The following COL19A1 variants were observed in gnomAD, a reference collection of about 807,000 sequenced individuals.
COL19A1 encodes the protein collagen type XIX alpha 1 chain.
Under a neutral mutation model 190.2 loss-of-function variants are expected in COL19A1, and 159 were observed. The ratio of observed to expected loss-of-function variants is 0.84; its 90% confidence interval spans 0.73 to 0.95. The LOEUF (loss-of-function observed/expected upper bound fraction) is 0.95. Ranked by LOEUF, COL19A1 falls within the 40% of genes least tolerant of loss-of-function variation. The pLI is 0.00. For missense variants in COL19A1, 1,418 were observed against 1,431.9 expected, an observed-to-expected ratio of 0.99 and a Z score of 0.16; for synonymous variants, 509 against 458.9, an observed-to-expected ratio of 1.11 and a Z score of -1.39.
At chr6:70,084,916 T>G (rs915508039) in intron 15 of COL19A1, among the ~76,000 whole-genome samples, 6 of 152,146 alleles carry the variant, frequency 3.9e-5, no homozygotes, top group Admixed American at 6.5e-5. Context: ...AACTCCTGGG[T>G]GAGCCCTGCC....
intron 11 of COL19A1, among the ~76,000 whole-genome samples, chr6:69,969,002 A>T (rs1353559188): frequency 6.6e-6 from 1 of 152,178 alleles, no homozygotes; most frequent in Non-Finnish European, 1.5e-5. Context: ...CAGCTCTGTA[A>T]TGGCAGCTGT....
At chr6:70,180,400 C>T (rs1365377782) in intron 43 of COL19A1, 44 bp downstream of exon 43, 1 of 1,613,944 alleles carries the variant, frequency 6.2e-7, no homozygotes, top group Non-Finnish European at 8.5e-7. Context: ...TTGTGTTGTA[C>T]TTGCATGCAG....
chr6:70,000,941 C>A (rs991004790), intron 11 of COL19A1, among the ~76,000 whole-genome samples: 11 of 152,108 alleles, frequency 7.2e-5, no homozygotes, highest in African/African-American at 2.7e-4. Flanking sequence ...GAAGTCTTTG[C>A]CCATGCCTAT....
At chr6:70,174,175 G>A (rs1765665331) in intron 41 of COL19A1, among the ~76,000 whole-genome samples, 1 of 152,158 alleles carries the variant, frequency 6.6e-6, no homozygotes, top group Admixed American at 6.5e-5. Context: ...TTGGGGAGAA[G>A]GTCCATAGTT....
intron 36 of COL19A1, 109 bp from the exon 37 acceptor site, chr6:70,165,832 C>A: frequency 1.0e-6 from 1 of 992,118 alleles, no homozygotes; most frequent in Non-Finnish European, 1.6e-6. Context: ...AACAACATGG[C>A]AAGTCATATC....
chr6:69,880,817 A>C (rs1768496526), intron 2 of COL19A1, among the ~76,000 whole-genome samples: 1 of 152,218 alleles, frequency 6.6e-6, no homozygotes, highest in Non-Finnish European at 1.5e-5. Flanking sequence ...GTAAAAAAGG[A>C]AAAGAGATGT....
At position 70,190,369 on chromosome 6, in the gene COL19A1, A is replaced by C. The variant is rs761742598; in HGVS notation, c.3082A>C (p.Arg1028=). Residue 1028 remains arginine, a synonymous_variant, in exon 48 of 51, where the codon AGG becomes CGG. Coordinates refer to ENST00000620364, the MANE Select transcript of COL19A1 (RefSeq NM_001858.6). The stretch of plus-strand genomic sequence containing the variant: ...GAAGTATATTAATCAAGAGGTCCTA[A>C]GGATTTTTGAAGGTTAGATTTTCTT... ...IKKYINQEVL[R]IFEERMAVFL... is the part of the protein sequence containing the mutation. 2.5e-6 allele frequency: 4 copies of C among 1,602,066 alleles called. No individual in the cohort carries two copies. In the South Asian group the frequency reaches 3.4e-5, roughly 13 times the overall value.
chr6:70,159,635 C>T (rs1787664401), intron 34 of COL19A1, among the ~76,000 whole-genome samples: 1 of 152,116 alleles, frequency 6.6e-6, no homozygotes, highest in Non-Finnish European at 1.5e-5. Flanking sequence ...ATTGAATGGA[C>T]AAACCTAGAA....
intron 11 of COL19A1, among the ~76,000 whole-genome samples, chr6:70,023,011 G>C (rs1237330957): frequency 1.3e-5 from 2 of 152,078 alleles, no homozygotes; most frequent in African/African-American, 2.4e-5. Flanking sequence ...CAAATGAAAT[G>C]AATGGATATG....
chr6:69,925,253 A>G (rs1438184611), intron 4 of COL19A1, among the ~76,000 whole-genome samples: 3 of 151,986 alleles, frequency 2.0e-5, no homozygotes, highest in Non-Finnish European at 2.9e-5. Context: ...ATCTTGAATT[A>G]ATTTTTGTAT....
intron 2 of COL19A1, 82 bp from the exon 3 acceptor site, chr6:69,898,866 T>C (rs1400503378): frequency 1.2e-6 from 1 of 821,116 alleles, no homozygotes; most frequent in African/African-American, 1.7e-5. Flanking sequence ...TATTTCCATT[T>C]TATCTTAAGT....
intron 9 of COL19A1, among the ~76,000 whole-genome samples, chr6:69,955,819 G>C (rs972636110): frequency 1.2e-4 from 18 of 151,946 alleles, no homozygotes; most frequent in Non-Finnish European, 2.6e-4. Flanking sequence ...CTTTTTTTCT[G>C]TGTAATTGCA....
At chr6:70,136,518 AAAC>A (rs1785884358) in intron 18 of COL19A1, among the ~76,000 whole-genome samples, 1 of 152,216 alleles carries the variant, frequency 6.6e-6, no homozygotes, top group African/African-American at 2.4e-5. Context: ...TGAGTGGAAA[AAAC>A]AAGTCATAGT....
At chr6:70,169,601 A>T (rs1765382006) in intron 40 of COL19A1, among the ~76,000 whole-genome samples, 2 of 152,160 alleles carry the variant, frequency 1.3e-5, no homozygotes, top group South Asian at 4.1e-4. Flanking sequence ...TGATTTTGTT[A>T]TTGGGCAATA....
intron 27 of COL19A1, among the ~76,000 whole-genome samples, chr6:70,148,490 T>G (rs1786820305): frequency 2.0e-5 from 3 of 152,164 alleles, no homozygotes; most frequent in Admixed American, 2.0e-4. Flanking sequence ...ATCACATCCT[T>G]ATATTGAAGT....
chr6:70,179,001 T>C lies in COL19A1; in HGVS notation c.2668-1311T>C, dbSNP rs1384232857. On this transcript the variant is annotated intron_variant, in intron 42 of 50. Coordinates refer to ENST00000620364, the MANE Select transcript of COL19A1 (RefSeq NM_001858.6). Reference sequence around the variant, plus strand: ...TCCATCAATGTCCCTTATCTCTTTGTCTCAGATCTCAAGGCCCGAGCCCTC... The same window carrying C: ...TCCATCAATGTCCCTTATCTCTTTGCCTCAGATCTCAAGGCCCGAGCCCTC... Among the ~76,000 whole-genome samples, 7 of 152,174 alleles carry C rather than the reference T, an allele frequency of 4.6e-5. No individual in the cohort carries two copies. In the East Asian group the frequency reaches 1.4e-3, roughly 29 times the overall value.
intron 16 of COL19A1, among the ~76,000 whole-genome samples, chr6:70,114,211 G>T (rs1275669266): frequency 6.6e-6 from 1 of 152,048 alleles, no homozygotes; most frequent in Non-Finnish European, 1.5e-5. Context: ...CTTAGTGATT[G>T]TATACCTCAT....
intron 12 of COL19A1, among the ~76,000 whole-genome samples, chr6:70,024,582 CGTGTGTGTGT>C (rs71536487): frequency 1.6e-4 from 23 of 143,394 alleles, no homozygotes; most frequent in South Asian, 9.0e-4. Flanking sequence ...TGGAGAAAGT[CGTGTGTGTGT>C]GTGTGTGTGT....
At chr6:70,200,295 T>C (rs1040780178) in intron 49 of COL19A1, among the ~76,000 whole-genome samples, 1 of 152,252 alleles carries the variant, frequency 6.6e-6, no homozygotes, top group Non-Finnish European at 1.5e-5. Context: ...ACCCAACTTA[T>C]ATTGGCAAAG....
Sources: gnomAD v4.1 joint callset for allele counts (sites outside exome capture counted in the v4.1 genomes callset) on GRCh38, gnomAD v4.1.1 for gene constraint, MANE v1.5 for transcripts, NCBI Gene and HGNC (gene_info 2026-07-23, HGNC 2026-07-21) for gene names.